TBC1D5: variants seen among roughly 807,000 people sequenced by gnomAD.
The protein encoded by TBC1D5 is TBC1 domain family member 5, also known as TBC1 domain family, member 5.
In TBC1D5, 75 loss-of-function variants were observed where a neutral mutation model predicts 100.3. That is an observed-to-expected ratio of 0.75 (90% CI 0.62 to 0.91). TBC1D5 has a LOEUF of 0.91. Ranked by LOEUF, TBC1D5 falls within the 40% of genes least tolerant of loss-of-function variation. The probability of loss-of-function intolerance (pLI) is 0.00; values close to 1 mark genes in which losing one functional copy is unlikely to be tolerated. For synonymous variants in TBC1D5, 323 were observed against 325.6 expected (o/e 0.99, Z 0.09); for missense variants, 910 against 942.4 (o/e 0.97, Z 0.45).
chr3:17,694,462 A>G (rs1577536018), intron 1 of TBC1D5, among the ~76,000 whole-genome samples: 1 of 152,240 alleles, frequency 6.6e-6, no homozygotes, highest in African/African-American at 2.4e-5. Context: ...ACAAGCGTCA[A>G]CAGCCGATTT....
At position 17,717,499 on chromosome 3, in the gene TBC1D5, C is replaced by G. The variant is rs1296665273; in HGVS notation, c.-101+21844G>C. Among the ~76,000 whole-genome samples the G allele has an allele frequency of 3.3e-5, 5 of 152,126 alleles. No homozygotes were observed. In the East Asian group the frequency reaches 9.6e-4, roughly 29 times the overall value. On this transcript the variant is annotated intron_variant, in intron 1 of 21. Coordinates refer to ENST00000253692, the Ensembl canonical transcript of TBC1D5. ...CACATTTCTTACCAAAACAAAGGCC[C>G]TAAATGAGATGAGCATCTTCAAGCC... is the stretch of plus-strand genomic sequence containing the variant.
At chr3:17,730,233 CAA>C (rs2076448176) in intron 1 of TBC1D5, among the ~76,000 whole-genome samples, 1 of 151,998 alleles carries the variant, frequency 6.6e-6, no homozygotes, top group Non-Finnish European at 1.5e-5. Flanking sequence ...GTTTGTGTAG[CAA>C]ATTAAGTAAA....
intron 17 of TBC1D5, among the ~76,000 whole-genome samples, chr3:17,218,989 C>T (rs1343760741): frequency 6.6e-6 from 1 of 151,716 alleles, no homozygotes; most frequent in Non-Finnish European, 1.5e-5. Context: ...TTCAACTATT[C>T]CATCTGCCCC....
intron 3 of TBC1D5, among the ~76,000 whole-genome samples, chr3:17,445,412 C>T (rs2094766041): frequency 1.3e-5 from 2 of 150,820 alleles, no homozygotes; most frequent in South Asian, 2.1e-4. Context: ...TAAAAATATT[C>T]GTATAAAAGT....
At chr3:17,589,172 C>T (rs2096751045) in intron 2 of TBC1D5, among the ~76,000 whole-genome samples, 1 of 152,176 alleles carries the variant, frequency 6.6e-6, no homozygotes, top group Admixed American at 6.5e-5. Context: ...ATTCAAAATA[C>T]TACTTATGCT....
chr3:17,224,351 C>T (rs2074610131), intron 17 of TBC1D5, among the ~76,000 whole-genome samples: 1 of 152,166 alleles, frequency 6.6e-6, no homozygotes, highest in Non-Finnish European at 1.5e-5. Flanking sequence ...GTGAGCCACA[C>T]ATGCAATTTC....
At chr3:17,455,655 T>C (rs139502974) in intron 3 of TBC1D5, among the ~76,000 whole-genome samples, 3 of 151,574 alleles carry the variant, frequency 2.0e-5, no homozygotes, top group African/African-American at 7.3e-5. Flanking sequence ...CTGGGCAACA[T>C]GAAGAAACCC....
chr3:17,327,958 G>A (rs969755777), intron 13 of TBC1D5, among the ~76,000 whole-genome samples: 7 of 152,040 alleles, frequency 4.6e-5, no homozygotes, highest in Non-Finnish European at 5.9e-5. Context: ...TGCTAGAGTT[G>A]GATGTGACTT....
chr3:17,205,921 T>C lies in TBC1D5; in HGVS notation c.1752+8286A>G, dbSNP rs147108869. Among the ~76,000 whole-genome samples, 122 of 152,326 alleles carry C rather than the reference T, an allele frequency of 8.0e-4. 2 individuals carry two copies. The South Asian group carries it at 0.013, about 16-fold the overall frequency. ...GCTGAATAATCCAACCGTAGACCTATTTCAGGACTCTTGTTATGTGAAATA... is the reference window on the plus strand; with the variant it reads ...GCTGAATAATCCAACCGTAGACCTACTTCAGGACTCTTGTTATGTGAAATA... On this transcript the variant is annotated intron_variant, in intron 18 of 21. Transcript: ENST00000253692.
At chr3:17,608,776 G>C (rs1241712002) in intron 2 of TBC1D5, among the ~76,000 whole-genome samples, 1 of 152,012 alleles carries the variant, frequency 6.6e-6, no homozygotes, top group South Asian at 2.1e-4. Context: ...AGATCATGGG[G>C]GGTTGAGGAG....
chr3:17,488,218 T>C (rs2095594893), intron 3 of TBC1D5, among the ~76,000 whole-genome samples: 1 of 152,190 alleles, frequency 6.6e-6, no homozygotes, highest in Non-Finnish European at 1.5e-5. Context: ...TGTCATATAG[T>C]TGGAATAATG....
intron 18 of TBC1D5, among the ~76,000 whole-genome samples, chr3:17,207,826 A>G (rs1271283971): frequency 6.6e-6 from 1 of 152,184 alleles, no homozygotes; most frequent in African/African-American, 2.4e-5. Context: ...AGCTACTACT[A>G]TATTATTTTA....
At chr3:17,612,229 G>A (rs533505042) in intron 2 of TBC1D5, among the ~76,000 whole-genome samples, 1 of 151,244 alleles carries the variant, frequency 6.6e-6, no homozygotes, top group Non-Finnish European at 1.5e-5. Context: ...GAGCCCCAGG[G>A]GTCTAGGCTA....
intron 3 of TBC1D5, among the ~76,000 whole-genome samples, chr3:17,485,611 A>G (rs1346339037): frequency 6.6e-6 from 1 of 151,454 alleles, no homozygotes; most frequent in African/African-American, 2.4e-5. Context: ...TTGTCCTTGC[A>G]ATAGTTTGCT....
At chr3:17,348,386 G>T (rs961133039) in intron 13 of TBC1D5, among the ~76,000 whole-genome samples, 1 of 152,192 alleles carries the variant, frequency 6.6e-6, no homozygotes, top group East Asian at 1.9e-4. Flanking sequence ...GGTAAAATGC[G>T]AATTGTCAGT....
chr3:17,231,140 TA>T, intron 17 of TBC1D5, among the ~76,000 whole-genome samples: 1 of 152,174 alleles, frequency 6.6e-6, no homozygotes. Flanking sequence ...AGATTCTCTT[TA>T]AAAATAACAT....
At chr3:17,599,673 G>A (rs1461443260) in intron 2 of TBC1D5, among the ~76,000 whole-genome samples, 1 of 152,130 alleles carries the variant, frequency 6.6e-6, no homozygotes, top group East Asian at 1.9e-4. Flanking sequence ...AGTATTAATT[G>A]TAACACACCC....
At chr3:17,377,351 A>G (rs2092748508) in intron 9 of TBC1D5, among the ~76,000 whole-genome samples, 1 of 151,952 alleles carries the variant, frequency 6.6e-6, no homozygotes, top group African/African-American at 2.4e-5. Flanking sequence ...AAAGGGTACT[A>G]AAAAAAATCC....
chr3:17,327,880 T>C (rs550609985), intron 13 of TBC1D5, among the ~76,000 whole-genome samples: 22 of 152,278 alleles, frequency 1.4e-4, no homozygotes, highest in Admixed American at 2.0e-4. Flanking sequence ...ATACAATGGA[T>C]GTTCAATATA....
Sources: allele counts gnomAD v4.1 joint callset (sites outside exome capture counted in the v4.1 genomes callset), GRCh38; gene constraint gnomAD v4.1.1; transcripts MANE v1.5; gene names NCBI Gene and HGNC (gene_info 2026-07-23, HGNC 2026-07-21).